Variants in H2AZ2 observed in about 807,000 individuals in gnomAD.
H2AZ2 encodes histone H2A.V.
In H2AZ2, 5 loss-of-function variants were observed where a neutral mutation model predicts 15.5. The observed-to-expected ratio is 0.32, with a 90% CI of 0.17 to 0.68. H2AZ2 has a LOEUF of 0.68. Ranked by LOEUF, H2AZ2 falls within the 30% of genes least tolerant of loss-of-function variation. H2AZ2 has a pLI of 0.72. For synonymous variants in H2AZ2, 44 were observed against 57.4 expected, an observed-to-expected ratio of 0.77 and a Z score of 1.05; for missense variants, 42 against 162.5, an observed-to-expected ratio of 0.26 and a Z score of 4.03.
downstream of H2AZ2, among the ~76,000 whole-genome samples, chr7:44,830,716 C>T (rs767266932): frequency 3.9e-5 from 6 of 152,112 alleles, no homozygotes; most frequent in Non-Finnish European, 7.3e-5. Context: ...ATACTTTCTA[C>T]GCCAGGCACA....
chr7:44,847,790 G>C, intron 1 of H2AZ2, among the ~76,000 whole-genome samples, 179 bp downstream of exon 1: 2 of 152,294 alleles, frequency 1.3e-5, no homozygotes, highest in Middle Eastern at 3.4e-3. Context: ...CTCACCCGGG[G>C]ACCCGTGTCG....
At chr7:44,843,481 C>A in intron 1 of H2AZ2, 127 bp from the exon 2 acceptor site, 1 of 614,914 alleles carries the variant, frequency 1.6e-6, no homozygotes, top group South Asian at 2.1e-5. Flanking sequence ...TCCCCTTCCT[C>A]ATTTGTAAAT....
At chr7:44,846,950 C>T (rs539758112) in intron 1 of H2AZ2, among the ~76,000 whole-genome samples, 2 of 152,196 alleles carry the variant, frequency 1.3e-5, no homozygotes, top group African/African-American at 4.8e-5. Context: ...CAAACATTGT[C>T]CTCTCGACTG....
intron 1 of H2AZ2, among the ~76,000 whole-genome samples, chr7:44,846,277 T>G (rs1793403435): frequency 6.6e-6 from 1 of 152,130 alleles, no homozygotes; most frequent in African/African-American, 2.4e-5. Flanking sequence ...TACTGGTAAG[T>G]GGATATAAAA....
intron 3 of H2AZ2, among the ~76,000 whole-genome samples, chr7:44,837,864 C>CCTTGTGAA (rs1793168804): frequency 6.6e-6 from 1 of 151,280 alleles, no homozygotes; most frequent in South Asian, 2.1e-4. Context: ...GGGGCTTGAA[C>CCTTGTGAA]CTTGTGAACC....
rs1408304781 is a variant in H2AZ2 at position 44,834,273 on chromosome 7, C to T, written c.*228G>A. 1 of 1,260,176 alleles carries T rather than the reference C, an allele frequency of 7.9e-7. No individual in the cohort carries two copies. Among genetic ancestry groups the T allele is most frequent in the African/African-American group, 1.5e-5 (1 of 66,286 alleles). The allele number at this position is 1,260,176 out of a possible 1,614,324, so 78.1% of individuals were successfully genotyped here. On this transcript the variant is annotated 3_prime_UTR_variant, in exon 5 of 5. Coordinates refer to ENST00000308153, the MANE Select transcript of H2AZ2 (RefSeq NM_012412.5). ...TTATCAATTCCATTTTTGTATAAAACACACGGGAGAAACCTAGCCAATCAA... is the reference window on the plus strand; with the variant it reads ...TTATCAATTCCATTTTTGTATAAAATACACGGGAGAAACCTAGCCAATCAA...
chr7:44,846,024 TACACACACACACAC>T (rs10573522), intron 1 of H2AZ2, among the ~76,000 whole-genome samples: 2,632 of 132,830 alleles, frequency 0.02, 93 homozygotes, highest in African/African-American at 0.067. Context: ...TTTAAAAAAT[TACACACACACACAC>T]ACACACACAC....
At chr7:44,835,225 C>G in intron 4 of H2AZ2, 1 of 378,988 alleles carries the variant, frequency 2.6e-6, no homozygotes, top group South Asian at 9.5e-5. Flanking sequence ...TATGCAACTT[C>G]TCCAACTCAT....
intron 1 of H2AZ2, among the ~76,000 whole-genome samples, chr7:44,847,433 T>C (rs905664140): frequency 2.0e-5 from 3 of 152,194 alleles, no homozygotes; most frequent in African/African-American, 7.2e-5. Flanking sequence ...TTCTAACCTG[T>C]GCAATCACCT....
chr7:44,845,362 T>C (rs1266923470), intron 1 of H2AZ2, among the ~76,000 whole-genome samples: 1 of 152,196 alleles, frequency 6.6e-6, no homozygotes, highest in Non-Finnish European at 1.5e-5. Flanking sequence ...GAATGCCTCA[T>C]ATTTTAATAA....
chr7:44,847,919 C>T (rs756352683), intron 1 of H2AZ2, 50 bp downstream of exon 1: 4 of 1,531,574 alleles, frequency 2.6e-6, no homozygotes, highest in East Asian at 2.7e-5. Flanking sequence ...AGGGCCTCCG[C>T]GCTCTGCTCT....
rs913213644 is a variant in H2AZ2, at chr7:44,837,971, C to CT, written c.196-2314dup. Among the ~76,000 whole-genome samples the CT allele has an allele frequency of 1.1e-4, 16 of 150,622 alleles. No homozygotes were observed. In the East Asian group the frequency reaches 2.1e-3, roughly 20 times the overall value. Reference sequence around the variant, plus strand: ...GCAGAACCTTTAATAGCTGAAATTTCTTTTTTTTTCTTTTTTTTAAGACGG... The same window carrying CT: ...GCAGAACCTTTAATAGCTGAAATTTCTTTTTTTTTTCTTTTTTTTAAGACGG... On this transcript the variant is annotated intron_variant, in intron 3 of 4. Transcript: ENST00000308153.
intron 3 of H2AZ2, among the ~76,000 whole-genome samples, chr7:44,835,955 CTTTTTTTTT>C (rs56386314): frequency 1.1e-5 from 1 of 90,894 alleles, no homozygotes; most frequent in East Asian, 2.6e-4. Flanking sequence ...TTAGAAAAGT[CTTTTTTTTT>C]TTTTTTTTTT....
intron 3 of H2AZ2, among the ~76,000 whole-genome samples, chr7:44,836,420 CA>C (rs1273414571): frequency 1.3e-5 from 2 of 152,138 alleles, no homozygotes; most frequent in African/African-American, 4.8e-5. Flanking sequence ...GGGCTGGTGT[CA>C]AACCCTTGGC....
rs1002842560 is a variant in H2AZ2 at position 44,832,280 on chromosome 7, T to A, written c.*2221A>T. On this transcript the variant is annotated 3_prime_UTR_variant, in exon 5 of 5. Transcript: ENST00000308153. ...AAAATGTTTTAGCAGTCTTACACAATGGTATTGTGGTTATGTTCAAAAAAG... is the reference window on the plus strand; with the variant it reads ...AAAATGTTTTAGCAGTCTTACACAAAGGTATTGTGGTTATGTTCAAAAAAG... 6.6e-6 allele frequency among the ~76,000 whole-genome samples: 1 copy of A among 152,144 alleles called. No individual in the cohort carries two copies. Among genetic ancestry groups the A allele is most frequent in the Admixed American group, 6.5e-5 (1 of 15,272 alleles).
chr7:44,834,784 CTTTTTTTT>C, intron 4 of H2AZ2: 8 of 159,358 alleles, frequency 5.0e-5, no homozygotes, highest in Non-Finnish European at 7.3e-5. Flanking sequence ...GTAACCATAG[CTTTTTTTT>C]TTTTTTTTTT....
At chr7:44,831,237 T>C (rs1041493269), downstream of H2AZ2, among the ~76,000 whole-genome samples, 3 of 152,068 alleles carry the variant, frequency 2.0e-5, no homozygotes, top group African/African-American at 4.8e-5. Context: ...ATACATGAAG[T>C]GATATGATAG....
At chr7:44,835,955 C>CTTT (rs56386314) in intron 3 of H2AZ2, among the ~76,000 whole-genome samples, 21 of 90,884 alleles carry the variant, frequency 2.3e-4, no homozygotes, top group African/African-American at 6.2e-4. Flanking sequence ...TTAGAAAAGT[C>CTTT]TTTTTTTTTT....
At position 44,847,891 on chromosome 7, in the gene H2AZ2, G is replaced by A. The variant is rs938584376; in HGVS notation, c.3+78C>T. 1.2e-5 allele frequency: 19 copies of A among 1,526,704 alleles called. No homozygotes were observed. In the African/African-American group the frequency reaches 1.6e-4, roughly 13 times the overall value. 94.6% of individuals were successfully genotyped at this position (1,526,704 alleles called of 1,614,324 possible). A position where few individuals can be genotyped will look rare whatever the true frequency, so the allele number is the denominator to read the frequency against. ...ACACCCGCAAACTCCCGACTCCACAGGTAGCGGCGCCGACGCCAGGGCCTC... is the reference window on the plus strand; with the variant it reads ...ACACCCGCAAACTCCCGACTCCACAAGTAGCGGCGCCGACGCCAGGGCCTC... On this transcript the variant is annotated intron_variant, in intron 1 of 4. Transcript: ENST00000308153.
Sources: gnomAD v4.1 joint callset for allele counts (sites outside exome capture counted in the v4.1 genomes callset) on GRCh38, gnomAD v4.1.1 for gene constraint, MANE v1.5 for transcripts, NCBI Gene and HGNC (gene_info 2026-07-23, HGNC 2026-07-21) for gene names.